The following RBFOX1 variants were observed in gnomAD, a reference collection of about 807,000 sequenced individuals.
RBFOX1 encodes RNA binding protein fox-1 homolog 1.
A neutral mutation model predicts 57.7 loss-of-function variants in RBFOX1; 8 were observed. That is an observed-to-expected ratio of 0.14 (90% CI 0.08 to 0.25). The LOEUF is 0.25. RBFOX1 is among the 10% of genes least tolerant of loss of function. RBFOX1 has a pLI of 1.00. For synonymous variants in RBFOX1, 326 were observed against 222.4 expected, an observed-to-expected ratio of 1.47 and a Z score of -4.15; for missense variants, 611 against 548.5, an observed-to-expected ratio of 1.11 and a Z score of -1.14.
intron 2 of RBFOX1, among the ~76,000 whole-genome samples, chr16:6,442,339 C>T (rs897398975): frequency 2.6e-5 from 4 of 152,062 alleles, no homozygotes; most frequent in African/African-American, 4.8e-5. Flanking sequence ...GGGTGGATCA[C>T]GAGGTCAAGA....
intron 1 of RBFOX1, among the ~76,000 whole-genome samples, chr16:6,156,728 G>C (rs2096841082): frequency 6.6e-6 from 1 of 152,166 alleles, no homozygotes; most frequent in Non-Finnish European, 1.5e-5. Context: ...GGTAGCATGG[G>C]TGAAACCAGA....
intron 3 of RBFOX1, among the ~76,000 whole-genome samples, chr16:6,834,341 T>G (rs983252233): frequency 2.0e-5 from 3 of 152,020 alleles, no homozygotes; most frequent in African/African-American, 7.2e-5. Flanking sequence ...CTCCCAAATT[T>G]GCTGGGATTG....
chr16:6,849,674 A>C (rs1022365548), intron 3 of RBFOX1, among the ~76,000 whole-genome samples: 1 of 151,930 alleles, frequency 6.6e-6, no homozygotes, highest in South Asian at 2.1e-4. Flanking sequence ...ATCTCAAAAA[A>C]ACAAAACAAA....
At chr16:7,333,343 G>A (rs558174289) in intron 4 of RBFOX1, among the ~76,000 whole-genome samples, 101 of 152,280 alleles carry the variant, frequency 6.6e-4, no homozygotes, top group African/African-American at 2.2e-3. Context: ...TCATGTCTTA[G>A]CTTCAGGAGG....
chr16:5,672,287 C>G (rs2050035226), intron 3 of RBFOX1, among the ~76,000 whole-genome samples: 1 of 152,142 alleles, frequency 6.6e-6, no homozygotes, highest in African/African-American at 2.4e-5. Flanking sequence ...AAATGAATTA[C>G]AGATCAATAA....
chr16:7,184,494 A>C (rs1214241187), intron 4 of RBFOX1, among the ~76,000 whole-genome samples: 3 of 152,206 alleles, frequency 2.0e-5, no homozygotes, highest in Non-Finnish European at 4.4e-5. Flanking sequence ...CCTCTGACAT[A>C]GTTATTTGCA....
chr16:6,957,394 T>TACAGGCGTGAGCCAC (rs555027384), intron 3 of RBFOX1, among the ~76,000 whole-genome samples: 45 of 152,194 alleles, frequency 3.0e-4, no homozygotes, highest in African/African-American at 1.1e-3. Context: ...GTGCTGCGAC[T>TACAGGCGTGAGCCAC]CACGCTCAGC....
chr16:6,542,940 C>T (rs1202543004), intron 2 of RBFOX1, among the ~76,000 whole-genome samples: 2 of 152,014 alleles, frequency 1.3e-5, no homozygotes, highest in Non-Finnish European at 1.5e-5. Flanking sequence ...TTAGAAGGGG[C>T]GTCTGTCTTC....
chr16:7,529,430 C>T (rs556644539), intron 5 of RBFOX1, among the ~76,000 whole-genome samples: 2 of 152,242 alleles, frequency 1.3e-5, no homozygotes, highest in African/African-American at 4.8e-5. Flanking sequence ...GGTATGCAAC[C>T]CTTTGGTGGG....
At chr16:6,055,318 C>T (rs28458189) in intron 1 of RBFOX1, among the ~76,000 whole-genome samples, 5,902 of 151,936 alleles carry the variant, frequency 0.039, 195 homozygotes, top group African/African-American at 0.085. Context: ...CATTGCTGGG[C>T]GCGGTGGCTC....
intron 5 of RBFOX1, among the ~76,000 whole-genome samples, chr16:7,564,383 C>T (rs1248607469): frequency 6.6e-6 from 1 of 151,452 alleles, no homozygotes; most frequent in African/African-American, 2.4e-5. Context: ...ACTAAAAATA[C>T]AAAAATTAGC....
At chr16:6,023,378 G>C (rs1348643557) in intron 1 of RBFOX1, among the ~76,000 whole-genome samples, 1 of 151,764 alleles carries the variant, frequency 6.6e-6, no homozygotes, top group Non-Finnish European at 1.5e-5. Flanking sequence ...AGTCCTTTTA[G>C]CTCGAACCAT....
At chr16:6,893,801 A>C (rs2066097964) in intron 3 of RBFOX1, among the ~76,000 whole-genome samples, 1 of 152,188 alleles carries the variant, frequency 6.6e-6, no homozygotes, top group South Asian at 2.1e-4. Context: ...AAGGTATCTA[A>C]AACTTATAAT....
At chr16:7,636,502 T>C (rs2061781653) in intron 11 of RBFOX1, among the ~76,000 whole-genome samples, 1 of 152,250 alleles carries the variant, frequency 6.6e-6, no homozygotes, top group African/African-American at 2.4e-5. Flanking sequence ...GTGTATTTCC[T>C]GTTTTGACGA....
intron 2 of RBFOX1, among the ~76,000 whole-genome samples, chr16:6,581,196 C>G (rs2097532587): frequency 6.6e-6 from 1 of 152,116 alleles, no homozygotes; most frequent in African/African-American, 2.4e-5. Context: ...GAAGCATCTT[C>G]AAGTAGGATT....
At chr16:6,631,596 C>T (rs1234906352) in intron 2 of RBFOX1, among the ~76,000 whole-genome samples, 2 of 151,888 alleles carry the variant, frequency 1.3e-5, no homozygotes, top group South Asian at 2.1e-4. Flanking sequence ...TTTCATGGAG[C>T]TAAGAAGCTA....
chr16:5,602,990 C>T (rs1032128538), downstream of RBFOX1, among the ~76,000 whole-genome samples: 2 of 152,096 alleles, frequency 1.3e-5, no homozygotes, highest in Non-Finnish European at 2.9e-5. Flanking sequence ...ATGGGGTTTA[C>T]AAGACTAAAT....
At chr16:5,891,564 A>C (rs139689008) in intron 4 of RBFOX1, among the ~76,000 whole-genome samples, 1 of 152,186 alleles carries the variant, frequency 6.6e-6, no homozygotes, top group East Asian at 1.9e-4. Context: ...GCTTAATTGG[A>C]TGGATGAGGT....
intron 2 of RBFOX1, among the ~76,000 whole-genome samples, chr16:6,578,598 C>CGTGCGTGTGTGTGTGT (rs1555570881): frequency 9.0e-6 from 1 of 110,666 alleles, no homozygotes; most frequent in Non-Finnish European, 2.1e-5. Flanking sequence ...GGTGTGTGTG[C>CGTGCGTGTGTGTGTGT]GTGTGTGTGT....
Sources: gnomAD v4.1 joint callset for allele counts (sites outside exome capture counted in the v4.1 genomes callset) on GRCh38, gnomAD v4.1.1 for gene constraint, MANE v1.5 for transcripts, NCBI Gene and HGNC (gene_info 2026-07-23, HGNC 2026-07-21) for gene names.